The following SLC22A4 variants were observed in gnomAD, a reference collection of about 807,000 sequenced individuals.
SLC22A4 encodes ET transporter.
A neutral mutation model predicts 56.6 loss-of-function variants in SLC22A4; 39 were observed. The ratio of observed to expected loss-of-function variants is 0.69; its 90% CI spans 0.53 to 0.90. SLC22A4 has a LOEUF of 0.90. SLC22A4 is among the 40% of genes least tolerant of loss of function. The pLI, the probability that SLC22A4 is intolerant of heterozygous loss-of-function variation, is 0.00. For missense variants in SLC22A4, 594 were observed against 696.5 expected, an observed-to-expected ratio of 0.85 and a Z score of 1.66; for synonymous variants, 241 against 281.4, an observed-to-expected ratio of 0.86 and a Z score of 1.44.
chr5:132,295,046 C>T, intron 1 of SLC22A4, 37 bp downstream of exon 1: 1 of 1,581,666 alleles, frequency 6.3e-7, no homozygotes, highest in South Asian at 1.2e-5. Context: ...CCGGGAGTGC[C>T]TGACCCTCCC....
chr5:132,297,416 G>T (rs900615108), intron 1 of SLC22A4, among the ~76,000 whole-genome samples: 5 of 152,184 alleles, frequency 3.3e-5, no homozygotes, highest in Non-Finnish European at 5.9e-5. Flanking sequence ...AGGATGGATG[G>T]ATGGCTCTCC....
intron 1 of SLC22A4, among the ~76,000 whole-genome samples, chr5:132,302,528 C>T (rs1159905819): frequency 1.3e-5 from 2 of 152,112 alleles, no homozygotes; most frequent in African/African-American, 4.8e-5. Context: ...AGAGAATGGA[C>T]GTTCTGGGGA....
At chr5:132,318,926 A>G (rs1750441448) in intron 3 of SLC22A4, among the ~76,000 whole-genome samples, 1 of 152,196 alleles carries the variant, frequency 6.6e-6, no homozygotes, top group Non-Finnish European at 1.5e-5. Context: ...TTTCACTGCC[A>G]CATGGAAAGC....
Position 132,334,755 on chromosome 5 carries a change from G to T in SLC22A4, c.1084G>T (p.Asp362Tyr). The change falls in exon 7 of 10, where the codon GAT (aspartate) becomes TAT (tyrosine). Residue 362 changes from aspartate to tyrosine, a missense_variant. Coordinates refer to ENST00000200652, the MANE Select transcript of SLC22A4 (RefSeq NM_003059.3). ...AGTGGGTTACTTTGCTCTGTCTCTG[G>T]ATGCTCCTAATTTACATGGAGATGC... ...TSVGYFALSL[D>Y]APNLHGDAYL... is the part of the protein sequence containing the mutation. The T allele has an allele frequency of 6.2e-7, 1 of 1,614,010 alleles. No homozygotes were observed. Among genetic ancestry groups the T allele is most frequent in the Non-Finnish European group, 8.5e-7 (1 of 1,179,946 alleles).
At position 132,337,716 on chromosome 5, in the gene SLC22A4, C is replaced by T. The variant is rs143156309; in HGVS notation, c.1444+1716C>T. Among the ~76,000 whole-genome samples, 1,062 of 151,254 alleles carry T rather than the reference C, an allele frequency of 7.0e-3. 14 individuals are homozygous for T. Among genetic ancestry groups the T allele is most frequent in the African/African-American group, 0.025 (1,027 of 41,202 alleles). ...GCCATTTTATTTATTTTTCAGTGAA[C>T]TGACTGCTCATGTTCTTTGCCCCTT... On this transcript the variant is annotated intron_variant, in intron 8 of 9. Coordinates refer to ENST00000200652, the MANE Select transcript of SLC22A4 (RefSeq NM_003059.3).
At chr5:132,332,152 A>G in intron 6 of SLC22A4, 1 of 346,252 alleles carries the variant, frequency 2.9e-6, no homozygotes, top group South Asian at 2.4e-5. Context: ...CGTCTCTACT[A>G]AAAATACAAA....
At chr5:132,302,684 C>T (rs1327975026) in intron 1 of SLC22A4, among the ~76,000 whole-genome samples, 4 of 152,180 alleles carry the variant, frequency 2.6e-5, no homozygotes, top group Admixed American at 6.5e-5. Flanking sequence ...GGCACAGACA[C>T]GATGCCATTT....
At chr5:132,330,551 C>A (rs1026471273) in intron 5 of SLC22A4, among the ~76,000 whole-genome samples, 2 of 152,106 alleles carry the variant, frequency 1.3e-5, no homozygotes, top group African/African-American at 4.8e-5. Flanking sequence ...TATGGCGAAA[C>A]CCCATCTCTA....
intron 1 of SLC22A4, 159 bp downstream of exon 1, chr5:132,295,168 T>G (rs778182036): frequency 4.7e-6 from 4 of 855,326 alleles, no homozygotes; most frequent in Non-Finnish European, 7.8e-6. Flanking sequence ...CAAGAAAGAA[T>G]AGGACTCACG....
chr5:132,329,435 A>G (rs972314867), intron 5 of SLC22A4, among the ~76,000 whole-genome samples: 2 of 150,658 alleles, frequency 1.3e-5, no homozygotes, highest in Admixed American at 6.6e-5. Flanking sequence ...TGAAGAGCCT[A>G]CCAAATGCCA....
At chr5:132,317,316 A>C (rs2126716903) in intron 3 of SLC22A4, among the ~76,000 whole-genome samples, 1 of 152,322 alleles carries the variant, frequency 6.6e-6, no homozygotes, top group African/African-American at 2.4e-5. Flanking sequence ...ATCACCCTGA[A>C]AAGAAACCCT....
chr5:132,312,023 C>T, intron 1 of SLC22A4, 138 bp from the exon 2 acceptor site: 1 of 764,912 alleles, frequency 1.3e-6, no homozygotes, highest in Non-Finnish European at 2.4e-6. Flanking sequence ...AAGGCCTATG[C>T]CCTTTGTACA....
At chr5:132,338,874 G>T (rs891337088) in intron 8 of SLC22A4, among the ~76,000 whole-genome samples, 1 of 152,126 alleles carries the variant, frequency 6.6e-6, no homozygotes, top group African/African-American at 2.4e-5. Flanking sequence ...ATCATCACAG[G>T]GTCCTGAGGC....
intron 8 of SLC22A4, among the ~76,000 whole-genome samples, chr5:132,338,625 C>T (rs999713976): frequency 3.3e-5 from 5 of 152,120 alleles, no homozygotes; most frequent in African/African-American, 9.7e-5. Flanking sequence ...CCCTCAGGGA[C>T]GAATTGTCTT....
At chr5:132,341,895 C>T (rs1751229761) in intron 9 of SLC22A4, among the ~76,000 whole-genome samples, 1 of 151,978 alleles carries the variant, frequency 6.6e-6, no homozygotes, top group South Asian at 2.1e-4. Flanking sequence ...TGCAGTGAGC[C>T]GAAATCGCGC....
rs1750825277 is a variant in SLC22A4, at chr5:132,330,533, C to T, written c.952-1223C>T. Among the ~76,000 whole-genome samples the T allele has an allele frequency of 1.3e-5, 2 of 152,134 alleles. 1 individual carries two copies. Among genetic ancestry groups the T allele is most frequent in the South Asian group, 4.2e-4 (2 of 4,814 alleles). Reference sequence around the variant, plus strand: ...CTGAAGTCAGGAGTTTGAGACCAGCCTGGCCAATATGGCGAAACCCCATCT... The same window carrying T: ...CTGAAGTCAGGAGTTTGAGACCAGCTTGGCCAATATGGCGAAACCCCATCT... On this transcript the variant is annotated intron_variant, in intron 5 of 9. Coordinates refer to ENST00000200652, the MANE Select transcript of SLC22A4 (RefSeq NM_003059.3).
At chr5:132,319,489 T>C (rs1750469683) in intron 3 of SLC22A4, among the ~76,000 whole-genome samples, 1 of 152,158 alleles carries the variant, frequency 6.6e-6, no homozygotes, top group African/African-American at 2.4e-5. Flanking sequence ...AAGGCTTAAA[T>C]CCTGGTGCAC....
intron 8 of SLC22A4, among the ~76,000 whole-genome samples, chr5:132,337,376 G>A (rs572155203): frequency 2.7e-5 from 4 of 147,494 alleles, no homozygotes; most frequent in African/African-American, 1.0e-4. Context: ...AGGCTCAAGA[G>A]ATCCTCCCAC....
intron 1 of SLC22A4, among the ~76,000 whole-genome samples, chr5:132,306,387 ATATATATATATATAT>A (rs1750033210): frequency 1.4e-4 from 3 of 21,160 alleles, no homozygotes; most frequent in Admixed American, 6.7e-4. Context: ...ACCGTGAAAT[ATATATATATATATAT>A]ATATATATAT....
Sources: allele counts gnomAD v4.1 joint callset (sites outside exome capture counted in the v4.1 genomes callset), GRCh38; gene constraint gnomAD v4.1.1; transcripts MANE v1.5; gene names NCBI Gene and HGNC (gene_info 2026-07-23, HGNC 2026-07-21).